The following TPR variants were observed in gnomAD, a reference collection of about 807,000 sequenced individuals.
TPR encodes nucleoprotein TPR.
A neutral mutation model predicts 316.1 loss-of-function variants in TPR; 51 were observed. That is an observed-to-expected ratio of 0.16 (90% CI 0.13 to 0.20). TPR has a LOEUF of 0.20. Ranked by LOEUF, TPR falls within the 10% of genes least tolerant of loss-of-function variation. The probability of loss-of-function intolerance (pLI) is 1.00; values close to 1 mark genes in which losing one functional copy is unlikely to be tolerated. For missense variants in TPR, 2,272 were observed against 2,754.8 expected (o/e 0.82, Z 3.92); for synonymous variants, 981 against 914.7 (o/e 1.07, Z -1.31).
intron 32 of TPR, 64 bp downstream of exon 32, chr1:186,336,949 A>G: frequency 2.5e-6 from 4 of 1,598,122 alleles, no homozygotes; most frequent in Non-Finnish European, 2.6e-6. Context: ...GTCAGTAGTT[A>G]ACACATATTT....
chr1:186,322,009 A>C (rs146512967), intron 45 of TPR, among the ~76,000 whole-genome samples: 128 of 152,338 alleles, frequency 8.4e-4, no homozygotes, highest in African/African-American at 3.0e-3. Context: ...GAACCTAAGG[A>C]ACTTGCTACC....
At chr1:186,333,453 T>A in intron 36 of TPR, 59 bp from the exon 37 acceptor site, 1 of 1,573,038 alleles carries the variant, frequency 6.4e-7, no homozygotes, top group Non-Finnish European at 8.6e-7. Context: ...GCTGAAATTA[T>A]CCTTCCTATT....
chr1:186,350,472 C>G, intron 20 of TPR, 84 bp from the exon 21 acceptor site: 1 of 1,072,328 alleles, frequency 9.3e-7, no homozygotes, highest in Non-Finnish European at 1.3e-6. Flanking sequence ...ACCTTTGGAG[C>G]TCGGCCAAGA....
chr1:186,356,395 G>C lies in TPR; in HGVS notation c.1779C>G (p.Leu593=). 1 of 1,613,900 alleles carries C rather than the reference G, an allele frequency of 6.2e-7. No individual in the cohort carries two copies. Residue 593 remains leucine (L), a synonymous_variant, in exon 15 of 51, where the codon CTC becomes CTG. Coordinates refer to ENST00000367478, the MANE Select transcript of TPR (RefSeq NM_003292.3). The part of the protein sequence containing the change: ...LESALTELEQ[L]RKSRQHQMQL... ...GCATTTGATGCTGTCGTGATTTGCG[G>C]AGTTGTTCTAGTTCAGTAAGGGCAC...
intron 21 of TPR, among the ~76,000 whole-genome samples, chr1:186,349,450 G>A (rs1387584140): frequency 2.6e-5 from 4 of 151,886 alleles, no homozygotes; most frequent in African/African-American, 4.8e-5. Flanking sequence ...TCAGGAGATC[G>A]AGACCATCCT....
rs528763821 is a variant in TPR, at chr1:186,335,443, T to C, written c.4806A>G (p.Leu1602=). The part of the protein sequence containing the change: ...KDELDVRITA[L]KSQYEGRISR... ...TAATTCGACCTTCATATTGGGACTT[T>C]AGCGCAGTAATGCGAACATCCAATT... The change falls in exon 34 of 51, where the codon CTA becomes CTG. Residue 1602 remains leucine, a synonymous_variant. Transcript: ENST00000367478. 3.6e-5 allele frequency: 58 copies of C among 1,613,814 alleles called. No homozygotes were observed. In the South Asian group the frequency reaches 6.0e-4, roughly 17 times the overall value.
In TPR at chr1:186,327,593, T is replaced by C. The variant is rs1402951004; in HGVS notation, c.5756A>G (p.Asp1919Gly). Residue 1919 changes from aspartate to glycine, a missense_variant, in exon 40 of 51, where the codon GAT becomes GGT. Asp to Gly is a moderately conservative substitution (Grantham distance 94). Coordinates refer to ENST00000367478, the MANE Select transcript of TPR (RefSeq NM_003292.3). Reference protein sequence around the residue: ...SEETSQSLQIDLGPLQSDQQT... With the variant: ...SEETSQSLQIGLGPLQSDQQT... ...CTGATCTGATTGAAGTGGCCCAAGATCTATTTGTAGAGACTGAGAGGTTTC... is the reference window on the plus strand; with the variant it reads ...CTGATCTGATTGAAGTGGCCCAAGACCTATTTGTAGAGACTGAGAGGTTTC... The C allele has an allele frequency of 2.5e-6, 4 of 1,612,892 alleles. No individual in the cohort carries two copies. Among genetic ancestry groups the C allele is most frequent in the Admixed American group, 1.7e-5 (1 of 59,734 alleles).
At chr1:186,356,597 G>A in intron 14 of TPR, 148 bp from the exon 15 acceptor site, 1 of 713,174 alleles carries the variant, frequency 1.4e-6, no homozygotes. Flanking sequence ...AGTATTTTAT[G>A]AACTACTTTT....
chr1:186,322,451 C>T, intron 44 of TPR, 39 bp from the exon 45 acceptor site: 1 of 1,610,338 alleles, frequency 6.2e-7, no homozygotes. Context: ...CAAAACACCA[C>T]ACATATGGAC....
chr1:186,356,501 T>G (rs985871528), intron 14 of TPR, 52 bp from the exon 15 acceptor site: 47 of 1,504,864 alleles, frequency 3.1e-5, no homozygotes, highest in Non-Finnish European at 4.2e-5. Context: ...GTTAACTGAT[T>G]GTAATTTCTA....
intron 33 of TPR, 24 bp from the exon 34 acceptor site, chr1:186,335,567 T>C (rs1437064035): frequency 1.6e-5 from 25 of 1,528,638 alleles, no homozygotes; most frequent in Middle Eastern, 1.8e-4. Context: ...CAGGCGATTA[T>C]ATTAATATTA....
chr1:186,361,974 C>G, intron 7 of TPR, 105 bp from the exon 8 acceptor site: 18 of 1,007,150 alleles, frequency 1.8e-5, no homozygotes, highest in Non-Finnish European at 2.6e-5. Context: ...AGAGCTAAAT[C>G]TAAAACACTC....
Position 186,335,454 on chromosome 1 carries a change from T to C in TPR, c.4795A>G (p.Ile1599Val), listed in dbSNP as rs1303911049. 6.2e-7 allele frequency: 1 copy of C among 1,613,680 alleles called. No individual in the cohort carries two copies. The highest frequency in any genetic ancestry group is 1.7e-5 in the Admixed American group (1 of 59,976). ...DQQKDELDVR[I>V]TALKSQYEGR... ...TCATATTGGGACTTTAGCGCAGTAATGCGAACATCCAATTCATCTTTCTGC... is the reference window on the plus strand; with the variant it reads ...TCATATTGGGACTTTAGCGCAGTAACGCGAACATCCAATTCATCTTTCTGC... The change falls in exon 34 of 51, where the codon ATT becomes GTT. Residue 1599 changes from isoleucine to valine, a missense_variant. By Grantham distance (29) the Ile-to-Val change is conservative. Around this residue, in one of 10 missense-constraint regions of TPR, gnomAD observed 109 missense variants for 215.3 expected, o/e 0.51. Transcript: ENST00000367478.
At chr1:186,337,205 T>C in intron 31 of TPR, 49 bp from the exon 32 acceptor site, 1 of 1,541,828 alleles carries the variant, frequency 6.5e-7, no homozygotes, top group Admixed American at 1.9e-5. Context: ...TATTCAGTAA[T>C]TCCATTTCTG....
chr1:186,318,948 TTTAA>T (rs1553226919), intron 46 of TPR, 120 bp from the exon 47 acceptor site: 3 of 903,018 alleles, frequency 3.3e-6, no homozygotes, highest in Non-Finnish European at 5.0e-6. Flanking sequence ...AAGTCCACGA[TTTAA>T]TTATTCCATC....
At chr1:186,344,272 G>C in intron 25 of TPR, 103 bp downstream of exon 25, 1 of 1,434,430 alleles carries the variant, frequency 7.0e-7, no homozygotes. Context: ...TTGCACTCCA[G>C]CATGGGTGAC....
intron 39 of TPR, among the ~76,000 whole-genome samples, chr1:186,329,144 A>G (rs1159531266): frequency 6.6e-6 from 1 of 152,192 alleles, no homozygotes; most frequent in East Asian, 1.9e-4. Flanking sequence ...GGTGGAATAA[A>G]AATCCAAATG....
chr1:186,344,614 T>C, intron 24 of TPR, 36 bp from the exon 25 acceptor site: 1 of 1,429,754 alleles, frequency 7.0e-7, no homozygotes, highest in Non-Finnish European at 9.2e-7. Flanking sequence ...TACCAAAGAT[T>C]AAAAATCCAT....
At chr1:186,348,128 C>T (rs1237757563) in intron 21 of TPR, among the ~76,000 whole-genome samples, 1 of 152,052 alleles carries the variant, frequency 6.6e-6, no homozygotes, top group Non-Finnish European at 1.5e-5. Flanking sequence ...GCAAAAACAG[C>T]CATATTTTTC....
Sources: allele counts gnomAD v4.1 joint callset (sites outside exome capture counted in the v4.1 genomes callset), GRCh38; gene constraint gnomAD v4.1.1; regional missense constraint gnomAD v4.1.1; transcripts MANE v1.5; gene names NCBI Gene and HGNC (gene_info 2026-07-23, HGNC 2026-07-21).